Variants in UFL1 observed in about 807,000 individuals in gnomAD.
UFL1 encodes the protein E3 UFM1-protein ligase 1.
A neutral mutation model predicts 99.3 loss-of-function variants in UFL1; 78 were observed. The observed-to-expected ratio is 0.79, with a 90% CI of 0.65 to 0.95. UFL1 has a LOEUF of 0.95. UFL1 is among the 40% of genes least tolerant of loss of function. The pLI is 0.00. For synonymous variants in UFL1, 335 were observed against 322.2 expected (o/e 1.04, Z -0.42); for missense variants, 936 against 937.0 (o/e 1.00, Z 0.01).
Position 96,554,968 on chromosome 6 carries a change from T to A in UFL1, c.*1465T>A, listed in dbSNP as rs1319031000. 2.0e-5 allele frequency: 3 copies of A among 152,622 alleles called. No homozygotes were observed. Among genetic ancestry groups the A allele is most frequent in the Non-Finnish European group, 2.9e-5 (2 of 68,014 alleles). The allele number at this position is 152,622 out of a possible 1,614,324, so 9.5% of individuals were successfully genotyped here. On this transcript the variant is annotated 3_prime_UTR_variant, in exon 19 of 19. Coordinates refer to ENST00000369278, the MANE Select transcript of UFL1 (RefSeq NM_015323.5). ...CAACCTTTAAGAACCTTATCATTTA[T>A]GTTTCAGTAGATATCAAAGTAATCC...
At chr6:96,534,184 A>C (rs972172730) in intron 6 of UFL1, 79 bp from the exon 7 acceptor site, 3 of 921,292 alleles carry the variant, frequency 3.3e-6, no homozygotes, top group Admixed American at 3.5e-5. Flanking sequence ...CTTAAATTCT[A>C]ATTATCCTAT....
intron 17 of UFL1, 98 bp downstream of exon 17, chr6:96,552,021 A>G (rs1770088637): frequency 1.3e-6 from 1 of 762,178 alleles, no homozygotes; most frequent in Non-Finnish European, 2.2e-6. Context: ...CACAGAGAAT[A>G]TGTACCTAAT....
At chr6:96,540,885 T>G (rs1323794975) in intron 11 of UFL1, among the ~76,000 whole-genome samples, 2 of 151,530 alleles carry the variant, frequency 1.3e-5, no homozygotes, top group African/African-American at 4.8e-5. Context: ...TTTATCATCA[T>G]GCTCATCTCT....
Position 96,538,636 on chromosome 6 carries a change from G to A in UFL1, c.984G>A (p.Leu328=), listed in dbSNP as rs921366878. ...TATTTTGTTTGTAATTCTAGCCTCT[G>A]CTACCCACTTCTTTATCAGTTGAAG... ...SSGTWVDIAP[L]LPTSLSVEDA... is the part of the protein sequence containing the mutation. The change falls in exon 10 of 19, where the codon CTG becomes CTA. Residue 328 remains leucine, a synonymous_variant. Transcript: ENST00000369278. The A allele has an allele frequency of 6.2e-7, 1 of 1,610,300 alleles. No homozygotes were observed.
intron 12 of UFL1, among the ~76,000 whole-genome samples, chr6:96,544,757 C>T (rs1769977340): frequency 6.6e-6 from 1 of 150,912 alleles, no homozygotes; most frequent in South Asian, 2.1e-4. Context: ...CCCAGGTGTA[C>T]TAGGCATGTG....
At chr6:96,542,308 C>T (rs1218004920) in intron 11 of UFL1, among the ~76,000 whole-genome samples, 3 of 151,208 alleles carry the variant, frequency 2.0e-5, no homozygotes, top group African/African-American at 4.8e-5. Flanking sequence ...TTATGAAGCA[C>T]GTGTTATGTT....
chr6:96,545,267 T>G (rs1769984025), intron 12 of UFL1, among the ~76,000 whole-genome samples: 1 of 151,166 alleles, frequency 6.6e-6, no homozygotes, highest in Non-Finnish European at 1.5e-5. Flanking sequence ...AAGCTAGAAA[T>G]AATCACTTTT....
intron 1 of UFL1, among the ~76,000 whole-genome samples, chr6:96,522,573 C>T (rs1769633531): frequency 6.6e-6 from 1 of 152,040 alleles, no homozygotes; most frequent in Non-Finnish European, 1.5e-5. Context: ...TACTTCCTAC[C>T]TGCGATGTTT....
In UFL1 at chr6:96,549,499, A is replaced by G; in HGVS notation, c.1608A>G (p.Thr536=). The change falls in exon 14 of 19, where the codon ACA becomes ACG. Residue 536 remains threonine, a synonymous_variant. Transcript: ENST00000369278. The part of the protein sequence containing the change: ...TSASGTGRKR[T]IKDLQEEVSN... ...CTTCTGGGACGGGCAGAAAACGCAC[A>G]ATCAAGGACTTGCAAGAAGAAGTTT... The G allele has an allele frequency of 6.3e-7, 1 of 1,589,732 alleles. No individual in the cohort carries two copies. The highest frequency in any genetic ancestry group is 8.5e-7 in the Non-Finnish European group (1 of 1,172,962).
In UFL1 at chr6:96,554,051, C is replaced by T. The variant is rs1215766174; in HGVS notation, c.*548C>T. On this transcript the variant is annotated 3_prime_UTR_variant, in exon 19 of 19. Transcript: ENST00000369278. ...AATTTACAAAAAAGAAAAATTATTA[C>T]TAAGCCCTTGCTCTTATTTTTGGCA... 1 of 152,250 alleles carries T rather than the reference C, an allele frequency of 6.6e-6. No homozygotes were observed. The highest frequency in any genetic ancestry group is 1.5e-5 in the Non-Finnish European group (1 of 68,198). The allele number at this position is 152,250 out of a possible 1,614,324, so 9.4% of individuals were successfully genotyped here.
Position 96,538,816 on chromosome 6 carries a change from C to T in UFL1, c.1158+6C>T, listed in dbSNP as rs1432731378. 2 of 1,583,004 alleles carry T rather than the reference C, an allele frequency of 1.3e-6. No homozygotes were observed. The highest frequency in any genetic ancestry group is 1.7e-6 in the Non-Finnish European group (2 of 1,161,266). ...TGCACCAGAAAGCTGAAAAGGTATT[C>T]CAGATTTCCTTTTATCTGCTAATCT... On this transcript the variant is annotated splice_donor_region_variant and intron_variant, in intron 10 of 18. Coordinates refer to ENST00000369278, the MANE Select transcript of UFL1 (RefSeq NM_015323.5).
chr6:96,528,490 C>T lies in UFL1; in HGVS notation c.466-12C>T. The T allele has an allele frequency of 3.1e-6, 5 of 1,610,002 alleles. No homozygotes were observed. Among genetic ancestry groups the T allele is most frequent in the Non-Finnish European group, 4.2e-6 (5 of 1,178,290 alleles). ...CTTTTAAATTAATAAAAATGTACAT[C>T]TTTACCCACAGGCACTAACTCAGCG... is the stretch of plus-strand genomic sequence containing the variant. On this transcript the variant is annotated splice_polypyrimidine_tract_variant and intron_variant, in intron 5 of 18. Transcript: ENST00000369278.
At chr6:96,524,342 C>T in intron 2 of UFL1, 40 bp from the exon 3 acceptor site, 2 of 1,570,382 alleles carry the variant, frequency 1.3e-6, no homozygotes, top group Non-Finnish European at 1.7e-6. Flanking sequence ...GGTATGTACG[C>T]ATAGATCATT....
chr6:96,521,971 T>G (rs1334059414), intron 1 of UFL1, 21 bp downstream of exon 1: 13 of 1,606,084 alleles, frequency 8.1e-6, no homozygotes, highest in Non-Finnish European at 1.1e-5. Flanking sequence ...CTCCCTCTCC[T>G]TTGTGGAGCC....
chr6:96,522,018 A>G, intron 1 of UFL1, 68 bp downstream of exon 1: 1 of 1,513,544 alleles, frequency 6.6e-7, no homozygotes, highest in Non-Finnish European at 9.0e-7. Flanking sequence ...TGTATCTGGG[A>G]CTTTAGACCC....
Position 96,538,671 on chromosome 6 carries a change from T to C in UFL1, c.1019T>C (p.Ile340Thr). 1 of 1,611,498 alleles carries C rather than the reference T, an allele frequency of 6.2e-7. No individual in the cohort carries two copies. Among genetic ancestry groups the C allele is most frequent in the East Asian group, 2.2e-5 (1 of 44,812 alleles). The stretch of plus-strand genomic sequence containing the variant: ...TCTTTATCAGTTGAAGATGCTGCCA[T>C]ATTGCTTCAGCAGGTGATGAGGGCA... ...PTSLSVEDAA[I>T]LLQQVMRAFS... Residue 340 changes from isoleucine to threonine, a missense_variant, in exon 10 of 19, where the codon ATA becomes ACA. Coordinates refer to ENST00000369278, the MANE Select transcript of UFL1 (RefSeq NM_015323.5).
intron 5 of UFL1, 85 bp from the exon 6 acceptor site, chr6:96,528,417 C>T (rs1185394396): frequency 6.8e-7 from 1 of 1,460,840 alleles, no homozygotes; most frequent in Non-Finnish European, 9.3e-7. Context: ...CCTCAGCATG[C>T]AGCATGACTT....
In UFL1 at chr6:96,553,361, A is replaced by C. The variant is rs1770108735; in HGVS notation, c.2243A>C (p.Gln748Pro). Residue 748 changes from glutamine to proline, a missense_variant, in exon 19 of 19, where the codon CAG becomes CCG. Gln to Pro is a moderately conservative substitution (Grantham distance 76). Transcript: ENST00000369278. ...GTCAGTCAAAGTAAGAAGACTGGGCAGGGAGATTATCCCTTGAATAATGAA... is the reference window on the plus strand; with the variant it reads ...GTCAGTCAAAGTAAGAAGACTGGGCCGGGAGATTATCCCTTGAATAATGAA... Reference protein sequence around the residue: ...QLVSQSKKTGQGDYPLNNELD... With the variant: ...QLVSQSKKTGPGDYPLNNELD... 2 of 1,613,740 alleles carry C rather than the reference A, an allele frequency of 1.2e-6. No homozygotes were observed. The highest frequency in any genetic ancestry group is 3.3e-5 in the Admixed American group (2 of 59,976).
intron 11 of UFL1, 94 bp from the exon 12 acceptor site, chr6:96,542,800 C>T: frequency 8.2e-7 from 1 of 1,221,184 alleles, no homozygotes; most frequent in Non-Finnish European, 1.1e-6. Flanking sequence ...TTTATTTTTT[C>T]TGCTGTAAAG....
Sources: gnomAD v4.1 joint callset for allele counts (sites outside exome capture counted in the v4.1 genomes callset) on GRCh38, gnomAD v4.1.1 for gene constraint, MANE v1.5 for transcripts, NCBI Gene and HGNC (gene_info 2026-07-23, HGNC 2026-07-21) for gene names.